Variants in EPHB1 observed in about 807,000 individuals in gnomAD.
EPHB1 encodes ephrin type-B receptor 1.
EPHB1 carries 30 observed loss-of-function variants against 94.4 expected under a neutral mutation model. That is an observed-to-expected ratio of 0.32 (90% CI 0.24 to 0.43). The LOEUF is 0.43. Ranked by LOEUF, EPHB1 falls within the 20% of genes least tolerant of loss-of-function variation. EPHB1 has a pLI of 1.00. For missense variants in EPHB1, 1,055 were observed against 1,308.3 expected (o/e 0.81, Z 2.99); for synonymous variants, 522 against 489.1 (o/e 1.07, Z -0.89).
At chr3:135,046,347 A>G (rs983050661) in intron 3 of EPHB1, among the ~76,000 whole-genome samples, 1 of 152,216 alleles carries the variant, frequency 6.6e-6, no homozygotes. Flanking sequence ...TGGTCACACA[A>G]GCTCCTTGAG....
At position 135,067,675 on chromosome 3, in the gene EPHB1, C is replaced by G. The variant is rs560024859; in HGVS notation, c.806-38773C>G. 4 of 152,248 alleles carry G rather than the reference C, an allele frequency of 2.6e-5. No individual in the cohort carries two copies. In the East Asian group the frequency reaches 7.7e-4, roughly 29 times the overall value. The allele number at this position is 152,248 out of a possible 1,614,324, so 9.4% of individuals were successfully genotyped here. A position where few individuals can be genotyped will look rare whatever the true frequency, so the allele number is the denominator to read the frequency against. On this transcript the variant is annotated intron_variant, in intron 3 of 15. Transcript: ENST00000398015. ...GCCTGTGGAGTCTGCATGCCAGATT[C>G]GCACCCTCCCCTGAGTTCTGGCCAG...
At chr3:134,866,654 G>A (rs1158951069) in intron 1 of EPHB1, among the ~76,000 whole-genome samples, 2 of 152,240 alleles carry the variant, frequency 1.3e-5, no homozygotes, top group African/African-American at 4.8e-5. Flanking sequence ...GAGGAACTCT[G>A]GGCAGCTGGC....
intron 3 of EPHB1, chr3:135,067,871 C>T (rs1937603055): frequency 6.6e-6 from 1 of 152,222 alleles, no homozygotes; most frequent in African/African-American, 2.4e-5. Flanking sequence ...TCGCAGCTTC[C>T]TCTACCCCTG....
intron 3 of EPHB1, among the ~76,000 whole-genome samples, chr3:134,958,479 G>T (rs901355184): frequency 6.6e-6 from 1 of 151,344 alleles, no homozygotes; most frequent in Non-Finnish European, 1.5e-5. Context: ...CCACATTCAA[G>T]GGCACCAAGG....
At chr3:135,227,952 T>C (rs2107722839) in intron 12 of EPHB1, among the ~76,000 whole-genome samples, 1 of 152,310 alleles carries the variant, frequency 6.6e-6, no homozygotes, top group South Asian at 2.1e-4. Context: ...CGCTCTTTAT[T>C]CTTAGACTCT....
intron 1 of EPHB1, among the ~76,000 whole-genome samples, chr3:134,904,807 A>C (rs907869492): frequency 2.0e-5 from 3 of 149,320 alleles, no homozygotes; most frequent in Non-Finnish European, 4.4e-5. Context: ...GTCTAAATAT[A>C]GTGTTTATAC....
chr3:134,914,028 T>A lies in EPHB1; in HGVS notation c.59-11788T>A, dbSNP rs568800301. ...GGAGGCTGTACCGAGAGCCCACATC[T>A]GTGGTTGTGCAGGAGTTGGCTGTGG... On this transcript the variant is annotated intron_variant, in intron 1 of 15. Transcript: ENST00000398015. 3.3e-5 allele frequency among the ~76,000 whole-genome samples: 5 copies of A among 152,120 alleles called. No individual in the cohort carries two copies. In the South Asian group the frequency reaches 1.0e-3, roughly 32 times the overall value.
intron 3 of EPHB1, among the ~76,000 whole-genome samples, chr3:134,962,895 A>AC (rs1248232836): frequency 2.0e-5 from 3 of 151,062 alleles, no homozygotes; most frequent in African/African-American, 7.3e-5. Flanking sequence ...CCAGGTGTCT[A>AC]CCCTCTACTG....
intron 10 of EPHB1, among the ~76,000 whole-genome samples, chr3:135,183,015 C>CTT (rs1304889803): frequency 1.6e-5 from 1 of 64,404 alleles, no homozygotes; most frequent in Non-Finnish European, 3.6e-5. Context: ...CTTTTCTTTT[C>CTT]TTTTCTTTTC....
At chr3:135,111,885 G>T (rs1185037472) in intron 4 of EPHB1, among the ~76,000 whole-genome samples, 2 of 152,094 alleles carry the variant, frequency 1.3e-5, no homozygotes, top group South Asian at 2.1e-4. Flanking sequence ...TCACCATGTT[G>T]GTCAGGCTGG....
intron 3 of EPHB1, among the ~76,000 whole-genome samples, chr3:135,080,850 C>T (rs1938139717): frequency 6.6e-6 from 1 of 152,134 alleles, no homozygotes; most frequent in African/African-American, 2.4e-5. Context: ...AGCGCAGTGC[C>T]CACCCAGAGC....
chr3:135,118,131 C>T (rs6803119), intron 4 of EPHB1, among the ~76,000 whole-genome samples: 152,152 of 152,296 alleles, frequency 1, 76,004 homozygotes, highest in Non-Finnish European at 1. Context: ...GCAGGCTTTG[C>T]GCCCACACCC....
chr3:134,921,032 C>T (rs1051839138), intron 1 of EPHB1, among the ~76,000 whole-genome samples: 5 of 152,102 alleles, frequency 3.3e-5, no homozygotes, highest in South Asian at 2.1e-4. Flanking sequence ...TACAGGTGCA[C>T]GCCACAGTAC....
chr3:134,968,015 T>C (rs892147445), intron 3 of EPHB1, among the ~76,000 whole-genome samples: 6 of 152,210 alleles, frequency 3.9e-5, no homozygotes, highest in African/African-American at 1.4e-4. Flanking sequence ...AACAAGGACA[T>C]GAGTCCATTT....
chr3:135,139,593 T>C (rs539741499), intron 5 of EPHB1, among the ~76,000 whole-genome samples: 1 of 152,274 alleles, frequency 6.6e-6, no homozygotes, highest in South Asian at 2.1e-4. Flanking sequence ...GGAGCTTGCA[T>C]TCTAGTCGAC....
chr3:135,240,412 A>G (rs1037020183), intron 12 of EPHB1, among the ~76,000 whole-genome samples: 3 of 152,154 alleles, frequency 2.0e-5, no homozygotes, highest in African/African-American at 4.8e-5. Flanking sequence ...GAGCCAATTT[A>G]GAAACTTCCA....
chr3:135,081,484 C>T (rs1238983077), intron 3 of EPHB1, among the ~76,000 whole-genome samples: 1 of 152,196 alleles, frequency 6.6e-6, no homozygotes, highest in African/African-American at 2.4e-5. Context: ...AGCCAGAAGA[C>T]CCTGGCAGGG....
At chr3:134,797,871 C>T (rs2035860525) in intron 1 of EPHB1, among the ~76,000 whole-genome samples, 1 of 152,186 alleles carries the variant, frequency 6.6e-6, no homozygotes, top group Non-Finnish European at 1.5e-5. Context: ...TTAAAGCAGC[C>T]CCCTGGTCCC....
At chr3:135,056,887 G>A (rs960752871) in intron 3 of EPHB1, among the ~76,000 whole-genome samples, 4 of 152,130 alleles carry the variant, frequency 2.6e-5, no homozygotes, top group African/African-American at 9.7e-5. Context: ...TGCCATGCTG[G>A]GAGAAGATTC....
Sources: allele counts gnomAD v4.1 joint callset (sites outside exome capture counted in the v4.1 genomes callset), GRCh38; gene constraint gnomAD v4.1.1; transcripts MANE v1.5; gene names NCBI Gene and HGNC (gene_info 2026-07-23, HGNC 2026-07-21).